Variants in LBR observed in about 807,000 individuals in gnomAD.
LBR encodes lamin B receptor, also known as delta(14)-sterol reductase LBR.
Under a neutral mutation model 74.3 loss-of-function variants are expected in LBR, and 28 were observed. The ratio of observed to expected loss-of-function variants is 0.38; its 90% confidence interval spans 0.28 to 0.52. The LOEUF (loss-of-function observed/expected upper bound fraction) is 0.52. Ranked by LOEUF, LBR falls within the 20% of genes least tolerant of loss-of-function variation. LBR has a pLI of 0.89. For synonymous variants in LBR, 228 were observed against 269.3 expected (o/e 0.85, Z 1.50); for missense variants, 717 against 760.3 (o/e 0.94, Z 0.67).
rs1056607 is a variant in LBR, at chr1:225,423,959, C to T, written c.117G>A (p.Val39=). The change falls in exon 2 of 14, where the codon GTG becomes GTA. Residue 39 remains valine (V), a synonymous_variant. Transcript: ENST00000272163. The part of the protein sequence containing the change: ...SHDSTSQLYT[V]KYKDGTELEL... ...CAAGCTCTGTTCCATCTTTATACTT[C>T]ACAGTGTAAAGCTGGGAGGTGCTGT... The T allele has an allele frequency of 0.72, 1,159,565 of 1,612,512 alleles. 420,235 individuals carry two copies. The highest frequency in any genetic ancestry group is 0.78 in the Admixed American group (46,920 of 60,012).
At chr1:225,423,449 A>ACCC (rs1219187128) in intron 2 of LBR, among the ~76,000 whole-genome samples, 1 of 140,052 alleles carries the variant, frequency 7.1e-6, no homozygotes, top group East Asian at 2.1e-4. Context: ...CTCCCCTACC[A>ACCC]CCCCCTTCCA....
At chr1:225,414,998 C>T (rs1013650636) in intron 7 of LBR, among the ~76,000 whole-genome samples, 3 of 152,204 alleles carry the variant, frequency 2.0e-5, no homozygotes, top group South Asian at 2.1e-4. Flanking sequence ...CGTGTAACAC[C>T]TCAGGTGATA....
chr1:225,403,234 T>A lies in LBR; in HGVS notation c.*69A>T. The A allele has an allele frequency of 6.6e-7, 1 of 1,518,844 alleles. No individual in the cohort carries two copies. The highest frequency in any genetic ancestry group is 9.1e-7 in the Non-Finnish European group (1 of 1,093,986). 94.1% of individuals were successfully genotyped at this position (1,518,844 alleles called of 1,614,324 possible). Reference sequence around the variant, plus strand: ...CAGTGCAACAAAAGAAAGTTTCGGATTTTTTTCCTTGTTTTTGCAAATGGC... The same window carrying A: ...CAGTGCAACAAAAGAAAGTTTCGGAATTTTTTCCTTGTTTTTGCAAATGGC... On this transcript the variant is annotated 3_prime_UTR_variant, in exon 14 of 14. Transcript: ENST00000272163.
chr1:225,416,174 G>C (rs958412223), intron 6 of LBR, among the ~76,000 whole-genome samples: 1 of 151,040 alleles, frequency 6.6e-6, no homozygotes, highest in South Asian at 2.1e-4. Flanking sequence ...TCCAGCCTGG[G>C]CAACAGAGCA....
Position 225,419,817 on chromosome 1 carries a change from A to G in LBR, c.367-19T>C. 6.7e-7 allele frequency: 1 copy of G among 1,503,356 alleles called. No individual in the cohort carries two copies. Among genetic ancestry groups the G allele is most frequent in the Non-Finnish European group, 9.3e-7 (1 of 1,080,306 alleles). The allele number at this position is 1,503,356 out of a possible 1,614,324, so 93.1% of individuals were successfully genotyped here. A position where few individuals can be genotyped will look rare whatever the true frequency, so the allele number is the denominator to read the frequency against. ...ATGGCTTCTAAATTGAAGAATATAA[A>G]CATTTAATCAAAAGAACTGTAACTT... is the stretch of plus-strand genomic sequence containing the variant. On this transcript the variant is annotated intron_variant, in intron 3 of 13. Coordinates refer to ENST00000272163, the MANE Select transcript of LBR (RefSeq NM_002296.4).
Position 225,401,834 on chromosome 1 carries a change from G to A in LBR, c.*1469C>T, listed in dbSNP as rs778364587. On this transcript the variant is annotated 3_prime_UTR_variant, in exon 14 of 14. Coordinates refer to ENST00000272163, the MANE Select transcript of LBR (RefSeq NM_002296.4). ...AATGTTTAAAGACTACCGGATGCTG[G>A]AGCAAACCAACTTCATGACTGCATT... 6.6e-6 allele frequency: 1 copy of A among 152,156 alleles called. No homozygotes were observed. The highest frequency in any genetic ancestry group is 1.9e-4 in the East Asian group (1 of 5,200). The allele number at this position is 152,156 out of a possible 1,614,324, so 9.4% of individuals were successfully genotyped here.
intron 9 of LBR, 132 bp downstream of exon 9, chr1:225,411,205 A>T: frequency 1.4e-6 from 1 of 739,492 alleles, no homozygotes; most frequent in South Asian, 1.5e-5. Flanking sequence ...GTATTTTGAT[A>T]GATTTATGGA....
chr1:225,413,991 G>C, intron 7 of LBR: 1 of 456,758 alleles, frequency 2.2e-6, no homozygotes, highest in Non-Finnish European at 4.4e-6. Context: ...ACAAAACACT[G>C]AAATCAAAGG....
intron 7 of LBR, among the ~76,000 whole-genome samples, chr1:225,414,565 T>G (rs1268258777): frequency 6.6e-6 from 1 of 152,206 alleles, no homozygotes; most frequent in Middle Eastern, 3.2e-3. Context: ...GAGCAAGGTC[T>G]ATCCATTTAT....
rs1558647505 is a variant in LBR at position 225,401,993 on chromosome 1, G to A, written c.*1310C>T. The stretch of plus-strand genomic sequence containing the variant: ...TTTATTACATTCCCCTACATTGAAA[G>A]TACTGAGAACAATTTAACTCTGAAC... On this transcript the variant is annotated 3_prime_UTR_variant, in exon 14 of 14. Coordinates refer to ENST00000272163, the MANE Select transcript of LBR (RefSeq NM_002296.4). 1 of 152,174 alleles carries A rather than the reference G, an allele frequency of 6.6e-6. No homozygotes were observed. Among genetic ancestry groups the A allele is most frequent in the African/African-American group, 2.4e-5 (1 of 41,436 alleles). The allele number at this position is 152,174 out of a possible 1,614,324, so 9.4% of individuals were successfully genotyped here. A position where few individuals can be genotyped will look rare whatever the true frequency, so the allele number is the denominator to read the frequency against.
intron 11 of LBR, among the ~76,000 whole-genome samples, chr1:225,405,131 C>A (rs565217899): frequency 1.2e-4 from 19 of 152,284 alleles, no homozygotes; most frequent in South Asian, 1.2e-3. Context: ...GTTAGTTATA[C>A]CTACTGGCCA....
At chr1:225,419,562 T>C (rs1309292230) in intron 4 of LBR, 110 bp from the exon 5 acceptor site, 3 of 1,002,962 alleles carry the variant, frequency 3.0e-6, no homozygotes, top group African/African-American at 1.6e-5. Context: ...AAGAATAAAT[T>C]TGTGAAATTA....
chr1:225,409,211 G>T (rs2096099264), intron 10 of LBR, among the ~76,000 whole-genome samples: 1 of 152,216 alleles, frequency 6.6e-6, no homozygotes, highest in Non-Finnish European at 1.5e-5. Flanking sequence ...CTGAGCCAGG[G>T]TCTGTGAAGT....
intron 8 of LBR, 116 bp downstream of exon 8, chr1:225,412,338 C>T (rs2150950029): frequency 6.8e-6 from 6 of 883,714 alleles, no homozygotes; most frequent in Admixed American, 2.2e-5. Flanking sequence ...TTTTTTCTTA[C>T]TTCTCTTCAT....
At chr1:225,414,115 C>G (rs2150951620) in intron 7 of LBR, 1 of 456,678 alleles carries the variant, frequency 2.2e-6, no homozygotes, top group South Asian at 1.5e-5. Context: ...GCTCCATCAG[C>G]AAAGAATTTG....
In LBR at chr1:225,422,322, C is replaced by G. The variant is rs373423240; in HGVS notation, c.166-45G>C. 28 of 1,469,844 alleles carry G rather than the reference C, an allele frequency of 1.9e-5. No homozygotes were observed. The African/African-American group carries it at 2.9e-4, about 15-fold the overall frequency. 91.1% of individuals were successfully genotyped at this position (1,469,844 alleles called of 1,614,324 possible). A position where few individuals can be genotyped will look rare whatever the true frequency, so the allele number is the denominator to read the frequency against. On this transcript the variant is annotated intron_variant, in intron 2 of 13. Transcript: ENST00000272163. Reference sequence around the variant, plus strand: ...CAAAGAGCTTTACCACAAATCATAACACATACAGACAGACCCACACTAGAA... The same window carrying G: ...CAAAGAGCTTTACCACAAATCATAAGACATACAGACAGACCCACACTAGAA...
chr1:225,427,101 C>A (rs2096140879), intron 1 of LBR, among the ~76,000 whole-genome samples: 1 of 151,964 alleles, frequency 6.6e-6, no homozygotes, highest in South Asian at 2.1e-4. Context: ...GGTGTCCACG[C>A]GCGGACCACG....
At chr1:225,406,309 G>A (rs934753001) in intron 11 of LBR, among the ~76,000 whole-genome samples, 2 of 152,162 alleles carry the variant, frequency 1.3e-5, no homozygotes, top group African/African-American at 4.8e-5. Flanking sequence ...GTTAGAATGT[G>A]AGCTCTATGA....
intron 10 of LBR, among the ~76,000 whole-genome samples, chr1:225,407,160 C>A (rs2096093927): frequency 6.6e-6 from 1 of 152,140 alleles, no homozygotes; most frequent in South Asian, 2.1e-4. Flanking sequence ...GCCCTCCTGA[C>A]CTGCTGCTCA....
Sources: gnomAD v4.1 joint callset for allele counts (sites outside exome capture counted in the v4.1 genomes callset) on GRCh38, gnomAD v4.1.1 for gene constraint, MANE v1.5 for transcripts, NCBI Gene and HGNC (gene_info 2026-07-23, HGNC 2026-07-21) for gene names.